NOS1: variants seen among roughly 807,000 people sequenced by gnomAD.
NOS1 encodes the protein NOS type I.
NOS1 carries 51 observed loss-of-function variants against 164.5 expected under a neutral mutation model. The ratio of observed to expected loss-of-function variants is 0.31; its 90% CI spans 0.25 to 0.39. The LOEUF is 0.39. Ranked by LOEUF, NOS1 falls within the 10% of genes least tolerant of loss-of-function variation. The pLI is 1.00. For synonymous variants in NOS1, 719 were observed against 745.8 expected, an observed-to-expected ratio of 0.96 and a Z score of 0.59; for missense variants, 1,362 against 1,885.6, an observed-to-expected ratio of 0.72 and a Z score of 5.14.
chr12:117,343,289 G>A (rs1876201959), intron 1 of NOS1, among the ~76,000 whole-genome samples: 1 of 151,956 alleles, frequency 6.6e-6, no homozygotes, highest in South Asian at 2.1e-4. Flanking sequence ...AGGAAGGAAG[G>A]AAGGAAAATG....
intron 1 of NOS1, among the ~76,000 whole-genome samples, chr12:117,359,876 T>TATATATATATA (rs1877038693): frequency 2.4e-4 from 9 of 36,964 alleles, no homozygotes; most frequent in South Asian, 1.1e-3. Context: ...AATAATGGTT[T>TATATATATATA]TATATATATA....
In NOS1 at chr12:117,265,531, G is replaced by A. The variant is rs571958514; in HGVS notation, c.1942-21C>T. 2.3e-5 allele frequency: 34 copies of A among 1,459,488 alleles called. No individual in the cohort carries two copies. In the South Asian group the frequency reaches 4.6e-4, roughly 20 times the overall value. 90.4% of individuals were successfully genotyped at this position (1,459,488 alleles called of 1,614,324 possible). A position where few individuals can be genotyped will look rare whatever the true frequency, so the allele number is the denominator to read the frequency against. On this transcript the variant is annotated intron_variant, in intron 11 of 28. Coordinates refer to ENST00000317775, the MANE Select transcript of NOS1 (RefSeq NM_000620.5). ...TCACTCTGTGGGAGGAGAGGGGACA[G>A]GGGTCAGGAGGTATGAGAAGCTGGG...
intron 11 of NOS1, among the ~76,000 whole-genome samples, chr12:117,265,814 G>C (rs1325818112): frequency 6.7e-6 from 1 of 150,366 alleles, no homozygotes; most frequent in African/African-American, 2.5e-5. Flanking sequence ...TTTTTGAGAC[G>C]GAGTCTTGCT....
rs1875459817 is a variant in NOS1, at chr12:117,330,254, C to A, written c.725+91G>T. On this transcript the variant is annotated intron_variant, in intron 2 of 28. Coordinates refer to ENST00000317775, the MANE Select transcript of NOS1 (RefSeq NM_000620.5). The surrounding 1 kb of genome is among the most constrained non-coding windows in gnomAD (Gnocchi z 4.6). The stretch of plus-strand genomic sequence containing the variant: ...GAGACAGCCCAGGTTGGCTTCTGGG[C>A]TATGAGGCTGAGTCTCAGTAGACGC... 1.8e-5 allele frequency: 27 copies of A among 1,482,578 alleles called. No individual in the cohort carries two copies. The highest frequency in any genetic ancestry group is 2.4e-5 in the Non-Finnish European group (27 of 1,117,414). 91.8% of individuals were successfully genotyped at this position (1,482,578 alleles called of 1,614,324 possible).
At chr12:117,333,691 T>G (rs1875661519) in intron 1 of NOS1, among the ~76,000 whole-genome samples, 2 of 152,218 alleles carry the variant, frequency 1.3e-5, no homozygotes, top group Non-Finnish European at 2.9e-5. Flanking sequence ...TGTGTGTTTC[T>G]GTGTATTCAT....
intron 17 of NOS1, among the ~76,000 whole-genome samples, chr12:117,251,371 T>C (rs1871088945): frequency 6.6e-6 from 1 of 152,190 alleles, no homozygotes; most frequent in Non-Finnish European, 1.5e-5. Context: ...GGTTGATTCA[T>C]TAATATTCTT....
rs1420672556 is a variant in NOS1 at position 117,326,560 on chromosome 12, T to C, written c.725+3785A>G. ...TGTACTTGCTCTAAGCCACCTTCTCTAGACCTTGTTTCTCCTCTGAAGCAG... is the reference window on the plus strand; with the variant it reads ...TGTACTTGCTCTAAGCCACCTTCTCCAGACCTTGTTTCTCCTCTGAAGCAG... On this transcript the variant is annotated intron_variant, in intron 2 of 28. Coordinates refer to ENST00000317775, the MANE Select transcript of NOS1 (RefSeq NM_000620.5). Among the ~76,000 whole-genome samples the C allele has an allele frequency of 9.2e-5, 14 of 152,350 alleles. No individual in the cohort carries two copies. The East Asian group carries it at 2.5e-3, about 27-fold the overall frequency.
chr12:117,228,934 A>G (rs542345358), intron 22 of NOS1, among the ~76,000 whole-genome samples: 51 of 152,136 alleles, frequency 3.4e-4, no homozygotes, highest in South Asian at 1.7e-3. Flanking sequence ...GGTGCCCGCC[A>G]CCACGCCCAG....
At position 117,326,215 on chromosome 12, in the gene NOS1, G is replaced by A. The variant is rs149146552; in HGVS notation, c.725+4130C>T. Among the ~76,000 whole-genome samples the A allele has an allele frequency of 2.5e-3, 374 of 152,092 alleles. 2 individuals are homozygous for A. The highest frequency in any genetic ancestry group is 8.6e-3 in the African/African-American group (357 of 41,472). Reference sequence around the variant, plus strand: ...AGCCTGGCCAACATGGCGAAACGCTGTCTCTACTAAAAATACAAAAATTAG... The same window carrying A: ...AGCCTGGCCAACATGGCGAAACGCTATCTCTACTAAAAATACAAAAATTAG... On this transcript the variant is annotated intron_variant, in intron 2 of 28. Transcript: ENST00000317775.
chr12:117,299,319 C>T (rs1484899378), intron 3 of NOS1, among the ~76,000 whole-genome samples: 1 of 152,192 alleles, frequency 6.6e-6, no homozygotes, highest in Non-Finnish European at 1.5e-5. Flanking sequence ...TAAAGTGATT[C>T]GTTCCTTAAG....
chr12:117,290,456 G>C (rs1410286264), intron 3 of NOS1, 30 bp from the exon 4 acceptor site: 2 of 1,597,782 alleles, frequency 1.3e-6, no homozygotes, highest in African/African-American at 1.3e-5. Flanking sequence ...TGGAAGATGA[G>C]GCAGGGCCTT....
At chr12:117,237,906 T>C (rs1869856914) in intron 20 of NOS1, among the ~76,000 whole-genome samples, 1 of 151,810 alleles carries the variant, frequency 6.6e-6, no homozygotes, top group African/African-American at 2.4e-5. Flanking sequence ...TGGGTGGTGA[T>C]GGGTTGAGGG....
intron 2 of NOS1, among the ~76,000 whole-genome samples, chr12:117,321,870 G>C (rs1470107618): frequency 6.6e-6 from 1 of 152,032 alleles, no homozygotes; most frequent in Non-Finnish European, 1.5e-5. Flanking sequence ...CCTCTTCCCT[G>C]CTGTAGAGAA....
intron 1 of NOS1, among the ~76,000 whole-genome samples, chr12:117,331,976 T>C (rs1358398891): frequency 6.6e-6 from 1 of 152,224 alleles, no homozygotes; most frequent in Non-Finnish European, 1.5e-5. Flanking sequence ...CTGCCTTCCA[T>C]GTACACAATG....
intron 1 of NOS1, among the ~76,000 whole-genome samples, chr12:117,354,982 T>C (rs1876793402): frequency 2.0e-5 from 3 of 152,256 alleles, no homozygotes; most frequent in African/African-American, 4.8e-5. Context: ...CATTTCCAAC[T>C]GGAAATGGGT....
intron 21 of NOS1, among the ~76,000 whole-genome samples, chr12:117,232,802 C>T (rs908590513): frequency 2.6e-5 from 4 of 152,112 alleles, no homozygotes; most frequent in Non-Finnish European, 5.9e-5. Flanking sequence ...GGGTTCAATC[C>T]CAAATAAAAA....
At chr12:117,310,322 C>T (rs1177480356) in intron 3 of NOS1, among the ~76,000 whole-genome samples, 2 of 152,138 alleles carry the variant, frequency 1.3e-5, no homozygotes, top group African/African-American at 4.8e-5. Flanking sequence ...TTATGAAGGA[C>T]TGATACAATA....
Position 117,215,020 on chromosome 12 carries a change from G to C in NOS1, c.*289C>G. On this transcript the variant is annotated 3_prime_UTR_variant, in exon 29 of 29. Coordinates refer to ENST00000317775, the MANE Select transcript of NOS1 (RefSeq NM_000620.5). ...CCACAGCGACGGCCATGTTCCAGTG[G>C]TTTCATGCACCCGTGAGTTGCCCTT... is the stretch of plus-strand genomic sequence containing the variant. The C allele has an allele frequency of 8.5e-7, 1 of 1,175,450 alleles. No individual in the cohort carries two copies. The highest frequency in any genetic ancestry group is 1.0e-6 in the Non-Finnish European group (1 of 952,520). 72.8% of individuals were successfully genotyped at this position (1,175,450 alleles called of 1,614,324 possible).
chr12:117,240,843 G>A (rs905445979), intron 20 of NOS1, among the ~76,000 whole-genome samples: 1 of 152,156 alleles, frequency 6.6e-6, no homozygotes, highest in African/African-American at 2.4e-5. Flanking sequence ...ACCCAGGACT[G>A]CTCAACTCAA....
Sources: gnomAD v4.1 joint callset for allele counts (sites outside exome capture counted in the v4.1 genomes callset) on GRCh38, gnomAD v4.1.1 for gene constraint, Gnocchi (gnomAD v3.1) non-coding constraint, MANE v1.5 for transcripts, NCBI Gene and HGNC (gene_info 2026-07-23, HGNC 2026-07-21) for gene names.